CDH12: variants seen among roughly 807,000 people sequenced by gnomAD.
CDH12 encodes cadherin 12.
In CDH12, 41 loss-of-function variants were observed where a neutral mutation model predicts 74.1. The ratio of observed to expected loss-of-function variants is 0.55; its 90% CI spans 0.43 to 0.72. The LOEUF (loss-of-function observed/expected upper bound fraction) is 0.72, where lower values mean the gene tolerates loss of function less well. CDH12 is among the 30% of genes least tolerant of loss of function. The probability of loss-of-function intolerance (pLI) is 0.00; values close to 1 mark genes in which losing one functional copy is unlikely to be tolerated. For missense variants in CDH12, 945 were observed against 977.2 expected (o/e 0.97, Z 0.44); for synonymous variants, 399 against 355.0 (o/e 1.12, Z -1.39).
intron 3 of CDH12, among the ~76,000 whole-genome samples, chr5:22,361,455 C>T (rs1740796589): frequency 6.6e-6 from 1 of 152,132 alleles, no homozygotes; most frequent in South Asian, 2.1e-4. Flanking sequence ...GAAGAACATT[C>T]CATGCTCATG....
At chr5:22,204,285 C>T (rs1171695068) in intron 4 of CDH12, among the ~76,000 whole-genome samples, 6 of 152,028 alleles carry the variant, frequency 3.9e-5, no homozygotes, top group Admixed American at 2.6e-4. Flanking sequence ...CTCAGCCTCC[C>T]GAGTAGCTGG....
At chr5:22,726,889 A>C (rs1744191179) in intron 1 of CDH12, among the ~76,000 whole-genome samples, 1 of 151,816 alleles carries the variant, frequency 6.6e-6, no homozygotes, top group South Asian at 2.1e-4. Flanking sequence ...AAACCAAAAG[A>C]ATACTTATAT....
chr5:22,002,751 A>C (rs1007270160), intron 5 of CDH12, among the ~76,000 whole-genome samples: 6 of 152,092 alleles, frequency 3.9e-5, no homozygotes, highest in Non-Finnish European at 8.8e-5. Flanking sequence ...ATCATGAAAT[A>C]AAGTATTTCA....
chr5:22,496,492 A>C (rs922582765), intron 2 of CDH12, among the ~76,000 whole-genome samples: 7 of 152,220 alleles, frequency 4.6e-5, no homozygotes, highest in Admixed American at 4.6e-4. Flanking sequence ...TAGGAACCAT[A>C]AGTATGTCTT....
chr5:22,606,248 T>C (rs993102327), intron 1 of CDH12, among the ~76,000 whole-genome samples: 1 of 152,096 alleles, frequency 6.6e-6, no homozygotes, highest in South Asian at 2.1e-4. Context: ...ATTCAGTTGA[T>C]CATGTGCTGT....
intron 1 of CDH12, among the ~76,000 whole-genome samples, chr5:22,830,585 T>C (rs1434913027): frequency 6.6e-6 from 1 of 151,884 alleles, no homozygotes; most frequent in Non-Finnish European, 1.5e-5. Context: ...GCTCTCCTTT[T>C]TATATAGTTT....
intron 1 of CDH12, among the ~76,000 whole-genome samples, chr5:22,831,002 G>C (rs536227530): frequency 6.6e-6 from 1 of 151,832 alleles, no homozygotes; most frequent in East Asian, 1.9e-4. Flanking sequence ...GCCTATCTTA[G>C]ATCAGTTTAG....
intron 1 of CDH12, among the ~76,000 whole-genome samples, chr5:22,705,923 A>G (rs903048246): frequency 2.0e-5 from 3 of 152,106 alleles, no homozygotes; most frequent in African/African-American, 4.8e-5. Flanking sequence ...AATAAGGTGA[A>G]TGGAAAGATG....
intron 5 of CDH12, among the ~76,000 whole-genome samples, chr5:22,068,996 G>T (rs1741752526): frequency 1.3e-5 from 2 of 152,136 alleles, no homozygotes; most frequent in Non-Finnish European, 2.9e-5. Flanking sequence ...CTGGTGACAG[G>T]TTGATTACAC....
chr5:22,425,984 C>A (rs1561394897), intron 2 of CDH12, among the ~76,000 whole-genome samples: 1 of 151,728 alleles, frequency 6.6e-6, no homozygotes, highest in Admixed American at 6.6e-5. Flanking sequence ...GTCAAGGAAT[C>A]GAGACCACCC....
chr5:22,078,699 G>A lies in CDH12; in HGVS notation c.-23C>T, dbSNP rs559970711. On this transcript the variant is annotated 5_prime_UTR_variant, in exon 5 of 15. Transcript: ENST00000382254. ...CATTGGCAAAGGCTTTCCTACAGCA[G>A]AGTAATAAAAACTCCAACACTTAAC... 112 of 1,610,170 alleles carry A rather than the reference G, an allele frequency of 7.0e-5. No homozygotes were observed. The South Asian group carries it at 1.1e-3, about 16-fold the overall frequency.
At chr5:22,540,319 C>G (rs1371501848) in intron 1 of CDH12, among the ~76,000 whole-genome samples, 1 of 151,914 alleles carries the variant, frequency 6.6e-6, no homozygotes, top group Non-Finnish European at 1.5e-5. Context: ...TACACAAAAT[C>G]ATAGAAGTTA....
chr5:22,362,549 A>G (rs1469288463), intron 3 of CDH12, among the ~76,000 whole-genome samples: 1 of 152,142 alleles, frequency 6.6e-6, no homozygotes, highest in Admixed American at 6.5e-5. Context: ...TAGAACTAGA[A>G]ATACCATTTG....
chr5:22,654,148 TCTTC>T (rs1328503237), intron 1 of CDH12, among the ~76,000 whole-genome samples: 4 of 149,850 alleles, frequency 2.7e-5, no homozygotes, highest in Admixed American at 6.6e-5. Context: ...TTCCTTTCTT[TCTTC>T]CTTCCTTCCC....
intron 5 of CDH12, among the ~76,000 whole-genome samples, chr5:21,998,929 T>C (rs1736448137): frequency 6.6e-6 from 1 of 152,158 alleles, no homozygotes; most frequent in African/African-American, 2.4e-5. Context: ...GCATGTTTAA[T>C]TGTTTTAAAA....
chr5:22,520,838 T>C (rs1156950319), intron 1 of CDH12, among the ~76,000 whole-genome samples: 2 of 152,186 alleles, frequency 1.3e-5, no homozygotes, highest in Non-Finnish European at 2.9e-5. Flanking sequence ...ACGTGAACTA[T>C]GTCAAAAGGA....
chr5:22,332,186 C>T (rs886751182), intron 3 of CDH12, among the ~76,000 whole-genome samples: 1 of 151,948 alleles, frequency 6.6e-6, no homozygotes, highest in African/African-American at 2.4e-5. Flanking sequence ...CAGATGTACC[C>T]TAAATAAGGC....
At chr5:22,307,657 C>T (rs1323238354) in intron 3 of CDH12, among the ~76,000 whole-genome samples, 2 of 151,884 alleles carry the variant, frequency 1.3e-5, no homozygotes, top group African/African-American at 4.8e-5. Context: ...TTTTCCTAAA[C>T]AATTAGTTGA....
At chr5:22,062,025 G>A (rs1233189023) in intron 5 of CDH12, among the ~76,000 whole-genome samples, 1 of 152,036 alleles carries the variant, frequency 6.6e-6, no homozygotes, top group Non-Finnish European at 1.5e-5. Flanking sequence ...GTAGGCATAG[G>A]TTAGAACAGC....
Sources: allele counts gnomAD v4.1 joint callset (sites outside exome capture counted in the v4.1 genomes callset), GRCh38; gene constraint gnomAD v4.1.1; transcripts MANE v1.5; gene names NCBI Gene and HGNC (gene_info 2026-07-23, HGNC 2026-07-21).